KAZN: variants seen among roughly 807,000 people sequenced by gnomAD.
KAZN encodes kazrin.
KAZN carries 40 observed loss-of-function variants against 87.4 expected under a neutral mutation model. The observed-to-expected ratio is 0.46, with a 90% confidence interval of 0.36 to 0.60. The LOEUF is 0.60. Ranked by LOEUF, KAZN falls within the 20% of genes least tolerant of loss-of-function variation. The pLI is 0.00. For synonymous variants in KAZN, 466 were observed against 458.3 expected (o/e 1.02, Z -0.22); for missense variants, 898 against 1,073.9 (o/e 0.84, Z 2.29).
At chr1:15,017,021 G>A (rs573081254) in intron 2 of KAZN, among the ~76,000 whole-genome samples, 2 of 152,120 alleles carry the variant, frequency 1.3e-5, no homozygotes, top group East Asian at 3.9e-4. Flanking sequence ...TGTCTGGTTG[G>A]GCGCCGTGGC....
Position 14,684,246 on chromosome 1 carries a change from G to A in KAZN, c.226+85023G>A, listed in dbSNP as rs546098313. 5.9e-5 allele frequency among the ~76,000 whole-genome samples: 9 copies of A among 152,284 alleles called. No homozygotes were observed. The East Asian group carries it at 7.7e-4, about 13-fold the overall frequency. On this transcript the variant is annotated intron_variant, in intron 1 of 14. Transcript: ENST00000376030. The stretch of plus-strand genomic sequence containing the variant: ...GGCAGTGGCTTTGCAGGTTTACCTC[G>A]TGGAATCAGCGTTGGGGCTGTGGGC...
intron 2 of KAZN, among the ~76,000 whole-genome samples, chr1:14,274,156 T>C (rs926494235): frequency 1.3e-5 from 2 of 152,212 alleles, no homozygotes; most frequent in Non-Finnish European, 2.9e-5. Context: ...CTACAAACGT[T>C]GCCTTGGGGT....
At chr1:13,897,134 T>TAC (rs1411360252) in intron 1 of KAZN, among the ~76,000 whole-genome samples, 93 of 152,346 alleles carry the variant, frequency 6.1e-4, no homozygotes, top group African/African-American at 2.1e-3. Flanking sequence ...AATAAAGTTT[T>TAC]ATTGGCACAC....
chr1:14,466,673 A>G (rs529030741), intron 2 of KAZN, among the ~76,000 whole-genome samples: 5,015 of 141,690 alleles, frequency 0.035, 281 homozygotes, highest in African/African-American at 0.12. Flanking sequence ...AAAAAAAAAA[A>G]AAGAAGAAGA....
chr1:14,140,931 T>G (rs967851991), intron 1 of KAZN, among the ~76,000 whole-genome samples: 2 of 152,078 alleles, frequency 1.3e-5, no homozygotes, highest in African/African-American at 4.8e-5. Context: ...ACCGATGCCT[T>G]CTGCATCTCG....
chr1:14,728,920 G>A (rs1643547875), intron 1 of KAZN, among the ~76,000 whole-genome samples: 1 of 152,178 alleles, frequency 6.6e-6, no homozygotes, highest in Non-Finnish European at 1.5e-5. Flanking sequence ...ACTCCATAAA[G>A]TTTCCTTTTA....
At chr1:14,295,692 G>A (rs746175492) in intron 2 of KAZN, among the ~76,000 whole-genome samples, 7 of 152,026 alleles carry the variant, frequency 4.6e-5, no homozygotes, top group Admixed American at 6.6e-5. Flanking sequence ...ACACACATGC[G>A]CAGATACACC....
chr1:14,134,744 A>G (rs773620488), intron 1 of KAZN, among the ~76,000 whole-genome samples: 1 of 152,118 alleles, frequency 6.6e-6, no homozygotes, highest in Non-Finnish European at 1.5e-5. Context: ...CTACACTTTC[A>G]TGGTACTCTC....
intron 2 of KAZN, among the ~76,000 whole-genome samples, chr1:14,502,184 T>C (rs1670292532): frequency 6.6e-6 from 1 of 152,086 alleles, no homozygotes; most frequent in Non-Finnish European, 1.5e-5. Context: ...GGAATGCCCC[T>C]CGTGGGTCTG....
At chr1:14,992,008 C>T (rs1241836422) in intron 2 of KAZN, among the ~76,000 whole-genome samples, 2 of 152,172 alleles carry the variant, frequency 1.3e-5, no homozygotes, top group Non-Finnish European at 2.9e-5. Flanking sequence ...CAGAATACAC[C>T]TCTCTTTGCC....
At chr1:14,309,894 T>C (rs957920819) in intron 2 of KAZN, among the ~76,000 whole-genome samples, 1 of 148,394 alleles carries the variant, frequency 6.7e-6, no homozygotes, top group Non-Finnish European at 1.5e-5. Flanking sequence ...AAAAAAAAAA[T>C]TCTGCAGGGA....
intron 1 of KAZN, among the ~76,000 whole-genome samples, chr1:14,919,550 A>G (rs543354112): frequency 8.5e-5 from 13 of 152,230 alleles, no homozygotes; most frequent in Admixed American, 2.6e-4. Context: ...CCCCCTGGAA[A>G]GTTTCACCAG....
intron 1 of KAZN, among the ~76,000 whole-genome samples, chr1:14,034,052 T>C (rs1641438251): frequency 6.6e-6 from 1 of 152,232 alleles, no homozygotes; most frequent in South Asian, 2.1e-4. Context: ...CTGTTGTGCC[T>C]TTGATTGCTG....
chr1:14,034,846 C>T (rs1156834487), intron 1 of KAZN, among the ~76,000 whole-genome samples: 2 of 152,194 alleles, frequency 1.3e-5, no homozygotes, highest in Non-Finnish European at 2.9e-5. Flanking sequence ...GCCCTTTCTT[C>T]ACTCGGTAAA....
chr1:14,890,595 G>A (rs929361617), intron 1 of KAZN, among the ~76,000 whole-genome samples: 5 of 152,134 alleles, frequency 3.3e-5, no homozygotes, highest in East Asian at 3.9e-4. Context: ...TCTGAATGAC[G>A]GGCGTGAATC....
rs954238213 is a variant in KAZN at position 14,937,386 on chromosome 1, C to T, written c.227-23298C>T. Among the ~76,000 whole-genome samples, 53 of 152,214 alleles carry T rather than the reference C, an allele frequency of 3.5e-4. 2 individuals carry two copies. The highest frequency in any genetic ancestry group is 3.4e-3 in the Admixed American group (52 of 15,276). ...TTACGAGTTGTTTGTACTTTCCTGC[C>T]TTTCCCTTCCCCCTCCATCTTCAAG... On this transcript the variant is annotated intron_variant, in intron 1 of 14. Coordinates refer to ENST00000376030, the MANE Select transcript of KAZN (RefSeq NM_201628.3).
chr1:14,620,603 C>A (rs1678617836), intron 1 of KAZN, among the ~76,000 whole-genome samples: 1 of 152,166 alleles, frequency 6.6e-6, no homozygotes, highest in African/African-American at 2.4e-5. Context: ...CCTCTTCTTT[C>A]TGCTGCTTCT....
intron 13 of KAZN, chr1:15,111,710 A>T (rs1289342607): frequency 6.6e-6 from 1 of 152,322 alleles, no homozygotes; most frequent in Non-Finnish European, 1.5e-5. Context: ...GATAGTGAAT[A>T]TGTTACGATC....
intron 1 of KAZN, among the ~76,000 whole-genome samples, chr1:13,913,009 A>C (rs544709745): frequency 1.3e-5 from 2 of 152,304 alleles, no homozygotes; most frequent in East Asian, 3.9e-4. Context: ...GCCCCTAAGA[A>C]GATTGGCTTA....
Sources: gnomAD v4.1 joint callset for allele counts (sites outside exome capture counted in the v4.1 genomes callset) on GRCh38, gnomAD v4.1.1 for gene constraint, MANE v1.5 for transcripts, NCBI Gene and HGNC (gene_info 2026-07-23, HGNC 2026-07-21) for gene names.